MLLT3: variants seen among roughly 807,000 people sequenced by gnomAD.
MLLT3 encodes protein AF-9.
In MLLT3, 4 loss-of-function variants were observed where a neutral mutation model predicts 53.2. That is an observed-to-expected ratio of 0.08 (90% confidence interval 0.04 to 0.17). The LOEUF is 0.17. Among genes scored for constraint, MLLT3 ranks in the 10% least tolerant of loss-of-function variants. The probability of loss-of-function intolerance (pLI) is 1.00; values close to 1 mark genes in which losing one functional copy is unlikely to be tolerated. For synonymous variants in MLLT3, 283 were observed against 230.6 expected (o/e 1.23, Z -2.06); for missense variants, 569 against 684.0 (o/e 0.83, Z 1.87).
chr9:20,502,092 A>AG (rs1563789832), intron 2 of MLLT3, among the ~76,000 whole-genome samples: 13 of 114,610 alleles, frequency 1.1e-4, no homozygotes, highest in African/African-American at 3.4e-4. Context: ...AAAAAAAAAA[A>AG]AGGGGGGGGG....
chr9:20,557,745 A>G (rs1177791352), intron 2 of MLLT3, among the ~76,000 whole-genome samples: 1 of 152,234 alleles, frequency 6.6e-6, no homozygotes, highest in Non-Finnish European at 1.5e-5. Context: ...GAGAAACACT[A>G]GCAAAGGTAT....
chr9:20,393,953 A>C (rs1822255868), intron 5 of MLLT3, among the ~76,000 whole-genome samples: 1 of 152,338 alleles, frequency 6.6e-6, no homozygotes, highest in South Asian at 2.1e-4. Flanking sequence ...CATCATTGAT[A>C]AGATTTATCA....
At chr9:20,439,588 G>C (rs1230658353) in intron 4 of MLLT3, among the ~76,000 whole-genome samples, 2 of 152,084 alleles carry the variant, frequency 1.3e-5, no homozygotes, top group South Asian at 4.2e-4. Context: ...CAGAGCACCA[G>C]GAAGGGGAGT....
chr9:20,589,273 T>C (rs1007187045), intron 2 of MLLT3, among the ~76,000 whole-genome samples: 4 of 152,076 alleles, frequency 2.6e-5, no homozygotes, highest in African/African-American at 9.7e-5. Flanking sequence ...GATGAGTTCA[T>C]GTCCTTTGTA....
intron 2 of MLLT3, among the ~76,000 whole-genome samples, chr9:20,466,193 C>T (rs923916151): frequency 2.0e-5 from 3 of 152,000 alleles, no homozygotes; most frequent in Admixed American, 6.6e-5. Context: ...GGAATATTTG[C>T]CTATACTTAA....
intron 4 of MLLT3, among the ~76,000 whole-genome samples, chr9:20,442,261 T>A (rs185602289): frequency 4.6e-5 from 7 of 152,232 alleles, no homozygotes; most frequent in Middle Eastern, 3.4e-3. Flanking sequence ...CACGTACTAT[T>A]TGGTGCAGGC....
intron 3 of MLLT3, among the ~76,000 whole-genome samples, chr9:20,453,983 A>G (rs1406868743): frequency 1.3e-5 from 2 of 152,236 alleles, no homozygotes; most frequent in African/African-American, 2.4e-5. Flanking sequence ...AGAAAGCCTA[A>G]AACTAGAAAA....
At chr9:20,373,040 T>C (rs551430657) in intron 5 of MLLT3, among the ~76,000 whole-genome samples, 1 of 152,294 alleles carries the variant, frequency 6.6e-6, no homozygotes, top group African/African-American at 2.4e-5. Flanking sequence ...TGCCTACATA[T>C]GCTGAAGTAT....
chr9:20,388,325 A>G (rs1002218046), intron 5 of MLLT3, among the ~76,000 whole-genome samples: 1 of 152,344 alleles, frequency 6.6e-6, no homozygotes, highest in South Asian at 2.1e-4. Context: ...GCGGTGGCTC[A>G]GGCCTGTAGT....
intron 2 of MLLT3, among the ~76,000 whole-genome samples, chr9:20,493,582 T>A (rs781364920): frequency 7.9e-5 from 12 of 152,046 alleles, no homozygotes; most frequent in Non-Finnish European, 1.6e-4. Context: ...TTAGTATTAT[T>A]TGTCATAGGA....
At chr9:20,423,457 C>T (rs1027660254) in intron 4 of MLLT3, among the ~76,000 whole-genome samples, 2 of 152,006 alleles carry the variant, frequency 1.3e-5, no homozygotes, top group East Asian at 1.9e-4. Context: ...GCAATGGGCC[C>T]CCCTGGCCCC....
intron 4 of MLLT3, among the ~76,000 whole-genome samples, chr9:20,441,216 A>G (rs1410484669): frequency 6.6e-6 from 1 of 152,168 alleles, no homozygotes; most frequent in Non-Finnish European, 1.5e-5. Context: ...GAACAAATGA[A>G]GACACGAAAG....
At chr9:20,531,676 C>G (rs1268821536) in intron 2 of MLLT3, among the ~76,000 whole-genome samples, 1 of 152,108 alleles carries the variant, frequency 6.6e-6, no homozygotes, top group East Asian at 1.9e-4. Context: ...AAGTATGCCA[C>G]TGAATGTATA....
intron 2 of MLLT3, among the ~76,000 whole-genome samples, chr9:20,513,674 T>C: frequency 6.6e-6 from 1 of 152,096 alleles, no homozygotes; most frequent in East Asian, 1.9e-4. Flanking sequence ...GTCAGTCAAG[T>C]AGGCTGTATC....
At chr9:20,419,085 G>T (rs555039657) in intron 4 of MLLT3, among the ~76,000 whole-genome samples, 5 of 152,242 alleles carry the variant, frequency 3.3e-5, no homozygotes, top group South Asian at 4.1e-4. Flanking sequence ...ATAGGAGGAA[G>T]CAGATCTAAC....
chr9:20,408,084 T>C (rs1031573589), intron 5 of MLLT3, among the ~76,000 whole-genome samples: 7 of 152,192 alleles, frequency 4.6e-5, no homozygotes, highest in Non-Finnish European at 7.4e-5. Flanking sequence ...TCTGGCTCAA[T>C]ACATGTCAGT....
intron 2 of MLLT3, among the ~76,000 whole-genome samples, chr9:20,590,712 GA>G (rs1697605068): frequency 6.6e-6 from 1 of 152,104 alleles, no homozygotes; most frequent in African/African-American, 2.4e-5. Context: ...ATAGCAGTGT[GA>G]AAATGAACTA....
intron 10 of MLLT3, among the ~76,000 whole-genome samples, chr9:20,348,208 C>T (rs1180808176): frequency 1.3e-5 from 2 of 152,170 alleles, no homozygotes; most frequent in South Asian, 2.1e-4. Flanking sequence ...AACTAACTCC[C>T]TAATATCGAT....
chr9:20,581,295 A>G (rs1819785711), intron 2 of MLLT3, among the ~76,000 whole-genome samples: 1 of 152,224 alleles, frequency 6.6e-6, no homozygotes, highest in Admixed American at 6.5e-5. Context: ...ATTTTTAAGC[A>G]AGAAATTACA....
Sources: gnomAD v4.1 joint callset for allele counts (sites outside exome capture counted in the v4.1 genomes callset) on GRCh38, gnomAD v4.1.1 for gene constraint, MANE v1.5 for transcripts, NCBI Gene and HGNC (gene_info 2026-07-23, HGNC 2026-07-21) for gene names.